The following SATB2 variants were observed in gnomAD, a reference collection of about 807,000 sequenced individuals.
The protein encoded by SATB2 is DNA-binding protein SATB2.
A neutral mutation model predicts 73.4 loss-of-function variants in SATB2; 1 was observed. That is an observed-to-expected ratio of 0.01 (90% CI 0.00 to 0.06). SATB2 has a LOEUF of 0.06. SATB2 is among the 10% of genes least tolerant of loss of function. SATB2 has a pLI of 1.00. For synonymous variants in SATB2, 397 were observed against 367.0 expected (o/e 1.08, Z -0.93); for missense variants, 459 against 945.8 (o/e 0.49, Z 6.75).
intron 3 of SATB2, among the ~76,000 whole-genome samples, chr2:199,393,134 A>G (rs1274572873): frequency 4.6e-5 from 7 of 152,196 alleles, no homozygotes; most frequent in Non-Finnish European, 1.0e-4. Context: ...ACCCTCTGCT[A>G]CAAATGATCC....
In SATB2 at chr2:199,431,561, G is replaced by A. The variant is rs371614333; in HGVS notation, c.346+1777C>T. On this transcript the variant is annotated intron_variant, in intron 3 of 10. Coordinates refer to ENST00000417098, the MANE Select transcript of SATB2 (RefSeq NM_001172509.2). ...CTTAATATTCAAAAACTTTGAGGAC[G>A]CAAATAATCACTTTTGACTTGTTCC... is the stretch of plus-strand genomic sequence containing the variant. Among the ~76,000 whole-genome samples, 6 of 152,248 alleles carry A rather than the reference G, an allele frequency of 3.9e-5. No individual in the cohort carries two copies. The East Asian group carries it at 9.6e-4, about 24-fold the overall frequency.
At chr2:199,327,319 T>C (rs982654988) in intron 8 of SATB2, among the ~76,000 whole-genome samples, 3 of 152,150 alleles carry the variant, frequency 2.0e-5, no homozygotes, top group Admixed American at 1.3e-4. Context: ...CATGTGCCTG[T>C]AATCCCAGCT....
chr2:199,399,117 T>C (rs1690391168), intron 3 of SATB2, among the ~76,000 whole-genome samples: 1 of 151,914 alleles, frequency 6.6e-6, no homozygotes, highest in Non-Finnish European at 1.5e-5. Context: ...CAAAAAAATA[T>C]AAACACTAGC....
At position 199,310,045 on chromosome 2, in the gene SATB2, C is replaced by T. The variant is rs1345073373; in HGVS notation, c.1543-1088G>A. ...AAAAGGCAAGATTTGATTATCTCTG[C>T]TGCATCAGCCAAGACAGCAACACCA... On this transcript the variant is annotated intron_variant, in intron 9 of 10. Coordinates refer to ENST00000417098, the MANE Select transcript of SATB2 (RefSeq NM_001172509.2). Among the ~76,000 whole-genome samples, 5 of 152,210 alleles carry T rather than the reference C, an allele frequency of 3.3e-5. No individual in the cohort carries two copies. The East Asian group carries it at 9.6e-4, about 29-fold the overall frequency.
chr2:199,354,070 A>G (rs755368172), intron 6 of SATB2, among the ~76,000 whole-genome samples: 1 of 152,228 alleles, frequency 6.6e-6, no homozygotes, highest in Non-Finnish European at 1.5e-5. Context: ...TAAAAACACA[A>G]CTGCTGGCCC....
chr2:199,400,103 CTTCCAGAGGGAATAGCACTT>C (rs1224675514), intron 3 of SATB2, among the ~76,000 whole-genome samples: 3 of 152,156 alleles, frequency 2.0e-5, no homozygotes, highest in Non-Finnish European at 4.4e-5. Flanking sequence ...TCAAACAGTA[CTTCCAGAGGGAATAGCACTT>C]TTCCTATTCC....
At chr2:199,304,474 T>A (rs1373080210) in intron 10 of SATB2, among the ~76,000 whole-genome samples, 2 of 152,182 alleles carry the variant, frequency 1.3e-5, no homozygotes, top group Non-Finnish European at 2.9e-5. Context: ...TCACTACTGA[T>A]CCCCTCAGAA....
At chr2:199,408,575 T>C (rs1690706124) in intron 3 of SATB2, among the ~76,000 whole-genome samples, 1 of 151,832 alleles carries the variant, frequency 6.6e-6, no homozygotes, top group Admixed American at 6.6e-5. Context: ...TTTTTGCCAT[T>C]GAAAGGGTAA....
At chr2:199,375,982 T>C (rs1249811921) in intron 5 of SATB2, among the ~76,000 whole-genome samples, 3 of 152,202 alleles carry the variant, frequency 2.0e-5, no homozygotes, top group African/African-American at 4.8e-5. Context: ...AAAAACTGCA[T>C]GCATCTGTTC....
At chr2:199,451,722 AG>A (rs1692129435) in intron 2 of SATB2, among the ~76,000 whole-genome samples, 1 of 152,146 alleles carries the variant, frequency 6.6e-6, no homozygotes, top group Non-Finnish European at 1.5e-5. Flanking sequence ...TTCATCTAAA[AG>A]GAAGTGTTCC....
chr2:199,295,436 C>CA (rs1408628343), intron 10 of SATB2, among the ~76,000 whole-genome samples: 5 of 151,312 alleles, frequency 3.3e-5, no homozygotes, highest in Admixed American at 2.6e-4. Context: ...AAAAAAGCCC[C>CA]AATTGGATAA....
chr2:199,370,383 T>A (rs931337826), intron 5 of SATB2, among the ~76,000 whole-genome samples: 1 of 152,164 alleles, frequency 6.6e-6, no homozygotes, highest in African/African-American at 2.4e-5. Context: ...TAAATTTTTT[T>A]AACATGAAAG....
chr2:199,352,621 T>C (rs1207305402), intron 6 of SATB2, among the ~76,000 whole-genome samples: 1 of 152,114 alleles, frequency 6.6e-6, no homozygotes, highest in Admixed American at 6.5e-5. Context: ...CAGTAAACAT[T>C]AATGAAGACA....
Position 199,272,176 on chromosome 2 carries a change from G to A in SATB2, c.*35C>T. ...AAGAAATGAAAGCAGAAAATCCTTG[G>A]ACCGATGTATTGCTTTGCCTAGTAG... On this transcript the variant is annotated 3_prime_UTR_variant, in exon 11 of 11. Coordinates refer to ENST00000417098, the MANE Select transcript of SATB2 (RefSeq NM_001172509.2). The surrounding 1 kb of genome is among the most constrained non-coding windows in gnomAD (Gnocchi z 6.7). The A allele has an allele frequency of 6.3e-7, 1 of 1,575,804 alleles. No individual in the cohort carries two copies. Among genetic ancestry groups the A allele is most frequent in the East Asian group, 2.2e-5 (1 of 44,706 alleles).
intron 10 of SATB2, among the ~76,000 whole-genome samples, chr2:199,289,819 C>A (rs1385898451): frequency 1.3e-5 from 2 of 152,128 alleles, no homozygotes; most frequent in African/African-American, 4.8e-5. Context: ...CTAGTTGATC[C>A]CACGTGTTGC....
chr2:199,298,050 T>G (rs545475660), intron 10 of SATB2, among the ~76,000 whole-genome samples: 1 of 152,326 alleles, frequency 6.6e-6, no homozygotes, highest in East Asian at 1.9e-4. Context: ...CCCGTTATCT[T>G]GCTGAATATA....
At chr2:199,404,599 T>C (rs1690577706) in intron 3 of SATB2, among the ~76,000 whole-genome samples, 2 of 152,174 alleles carry the variant, frequency 1.3e-5, no homozygotes. Flanking sequence ...ATGAACCCTA[T>C]GAGTATTGCT....
Position 199,308,702 on chromosome 2 carries a change from G to A in SATB2, c.1740+58C>T, listed in dbSNP as rs1430608117. The A allele has an allele frequency of 1.4e-5, 21 of 1,471,672 alleles. No homozygotes were observed. Among genetic ancestry groups the A allele is most frequent in the Non-Finnish European group, 1.9e-5 (20 of 1,053,754 alleles). 91.2% of individuals were successfully genotyped at this position (1,471,672 alleles called of 1,614,324 possible). A position where few individuals can be genotyped will look rare whatever the true frequency, so the allele number is the denominator to read the frequency against. On this transcript the variant is annotated intron_variant, in intron 10 of 10. Transcript: ENST00000417098. The surrounding 1 kb of genome is among the most constrained non-coding windows in gnomAD (Gnocchi z 4.6). Reference sequence around the variant, plus strand: ...GTGTGTGCCACTTGGACCCTCAGCAGCTACTGCTGGCACACAGAGCCCTGA... The same window carrying A: ...GTGTGTGCCACTTGGACCCTCAGCAACTACTGCTGGCACACAGAGCCCTGA...
At chr2:199,277,851 A>G (rs1192333273) in intron 10 of SATB2, among the ~76,000 whole-genome samples, 2 of 152,176 alleles carry the variant, frequency 1.3e-5, no homozygotes, top group Non-Finnish European at 2.9e-5. Context: ...ATGATGGGAA[A>G]ACTGGAGTTC....
Sources: gnomAD v4.1 joint callset for allele counts (sites outside exome capture counted in the v4.1 genomes callset) on GRCh38, gnomAD v4.1.1 for gene constraint, Gnocchi (gnomAD v3.1) non-coding constraint, MANE v1.5 for transcripts, NCBI Gene and HGNC (gene_info 2026-07-23, HGNC 2026-07-21) for gene names.